The following NAA15 variants were observed in gnomAD, a reference collection of about 807,000 sequenced individuals.
NAA15 encodes N-alpha-acetyltransferase 15, NatA auxiliary subunit, also known as N-terminal acetyltransferase.
In NAA15, 34 loss-of-function variants were observed where a neutral mutation model predicts 114.0. That is an observed-to-expected ratio of 0.30 (90% CI 0.23 to 0.40). NAA15 has a LOEUF of 0.40. NAA15 is among the 10% of genes least tolerant of loss of function. The probability of loss-of-function intolerance (pLI) is 1.00; values close to 1 mark genes in which losing one functional copy is unlikely to be tolerated. For synonymous variants in NAA15, 340 were observed against 338.0 expected, an observed-to-expected ratio of 1.01 and a Z score of -0.06; for missense variants, 658 against 1,004.5, an observed-to-expected ratio of 0.66 and a Z score of 4.66.
chr4:139,353,919 G>A (rs988012050), intron 9 of NAA15, 107 bp from the exon 10 acceptor site: 2 of 789,178 alleles, frequency 2.5e-6, no homozygotes, highest in African/African-American at 1.7e-5. Context: ...GAGGGTGTGT[G>A]TGTTGGAGTG....
At chr4:139,315,074 A>AGGTCAGGTCAGGTCAGGTCAGGTCAG (rs1579085600) in intron 1 of NAA15, among the ~76,000 whole-genome samples, 1 of 136,128 alleles carries the variant, frequency 7.3e-6, no homozygotes, top group Non-Finnish European at 1.6e-5. Flanking sequence ...AGTTTAGTTT[A>AGGTCAGGTCAGGTCAGGTCAGGTCAG]GTTTTTGAGA....
At chr4:139,332,665 C>T (rs1384905261) in intron 1 of NAA15, among the ~76,000 whole-genome samples, 3 of 144,768 alleles carry the variant, frequency 2.1e-5, no homozygotes, top group East Asian at 2.1e-4. Context: ...TCACTGCAAC[C>T]TCTGCCTGCT....
intron 14 of NAA15, among the ~76,000 whole-genome samples, 195 bp downstream of exon 14, chr4:139,362,132 T>C (rs1013374353): frequency 3.3e-5 from 5 of 152,234 alleles, no homozygotes; most frequent in African/African-American, 1.2e-4. Flanking sequence ...TTTGCAGTTA[T>C]TCATTGGCAT....
intron 1 of NAA15, among the ~76,000 whole-genome samples, chr4:139,309,880 T>C (rs1362123585): frequency 6.6e-6 from 1 of 152,158 alleles, no homozygotes; most frequent in Non-Finnish European, 1.5e-5. Context: ...TTTTTAGATG[T>C]GTCAAAGTCT....
At chr4:139,320,858 C>T (rs577083050) in intron 1 of NAA15, among the ~76,000 whole-genome samples, 221 of 152,196 alleles carry the variant, frequency 1.5e-3, no homozygotes, top group African/African-American at 5.1e-3. Flanking sequence ...CATCATGTTG[C>T]CCAGGCTGAT....
intron 16 of NAA15, among the ~76,000 whole-genome samples, chr4:139,377,195 A>G (rs1478474310): frequency 6.7e-6 from 1 of 148,206 alleles, no homozygotes; most frequent in Non-Finnish European, 1.5e-5. Context: ...TATATCTACT[A>G]AAGGAAATTG....
chr4:139,345,412 C>T (rs1158973329), intron 6 of NAA15, among the ~76,000 whole-genome samples: 3 of 152,152 alleles, frequency 2.0e-5, no homozygotes, highest in Admixed American at 2.0e-4. Context: ...GCTTGGGCCT[C>T]AAGTTTCTTT....
Position 139,389,897 on chromosome 4 carries a change from T to A in NAA15, c.*1813T>A, listed in dbSNP as rs1749007703. The A allele has an allele frequency of 6.6e-6, 1 of 152,620 alleles. No homozygotes were observed. The highest frequency in any genetic ancestry group is 1.5e-5 in the Non-Finnish European group (1 of 68,028). 9.5% of individuals were successfully genotyped at this position (152,620 alleles called of 1,614,324 possible). On this transcript the variant is annotated 3_prime_UTR_variant, in exon 20 of 20. Transcript: ENST00000296543. ...GAAGTACAAACCGAACTCCAGTGCT[T>A]TGTTATGTTTTATTAACTGGCCCTG...
At chr4:139,360,927 A>G (rs1176773597) in intron 13 of NAA15, among the ~76,000 whole-genome samples, 1 of 152,100 alleles carries the variant, frequency 6.6e-6, no homozygotes, top group Non-Finnish European at 1.5e-5. Context: ...GTACATACAC[A>G]GCTGATTAAA....
At chr4:139,374,948 A>G (rs991836684) in intron 15 of NAA15, among the ~76,000 whole-genome samples, 1 of 152,170 alleles carries the variant, frequency 6.6e-6, no homozygotes, top group South Asian at 2.1e-4. Context: ...TACCTGCCCT[A>G]TAGTCCTTGT....
At chr4:139,309,734 C>T (rs766253649) in intron 1 of NAA15, among the ~76,000 whole-genome samples, 5 of 152,120 alleles carry the variant, frequency 3.3e-5, no homozygotes, top group South Asian at 2.1e-4. Context: ...AATTCTTTTG[C>T]GTCAATAGAG....
chr4:139,330,613 A>G (rs7682614), intron 1 of NAA15, among the ~76,000 whole-genome samples: 40,365 of 152,058 alleles, frequency 0.27, 5,678 homozygotes, highest in African/African-American at 0.35. Flanking sequence ...TGAGTTGAAG[A>G]GGGGGAATCA....
At chr4:139,304,952 G>C (rs1390985556) in intron 1 of NAA15, among the ~76,000 whole-genome samples, 1 of 152,150 alleles carries the variant, frequency 6.6e-6, no homozygotes. Flanking sequence ...CTGTTGCCCA[G>C]GCTGGAGTGT....
chr4:139,369,410 G>A (rs1213803298), intron 14 of NAA15, among the ~76,000 whole-genome samples: 6 of 152,134 alleles, frequency 3.9e-5, no homozygotes, highest in African/African-American at 1.4e-4. Context: ...TTTCTGAAGT[G>A]GTTCCGTTGT....
chr4:139,303,149 G>C (rs980964151), intron 1 of NAA15, among the ~76,000 whole-genome samples: 3 of 152,314 alleles, frequency 2.0e-5, no homozygotes, highest in Admixed American at 6.5e-5. Flanking sequence ...AAAAACATTA[G>C]AAAGTCACAT....
At chr4:139,326,460 T>A (rs1447825746) in intron 1 of NAA15, among the ~76,000 whole-genome samples, 1 of 152,234 alleles carries the variant, frequency 6.6e-6, no homozygotes, top group African/African-American at 2.4e-5. Context: ...CTTTTTCTCA[T>A]GATTGCTCTC....
intron 1 of NAA15, among the ~76,000 whole-genome samples, chr4:139,315,012 TTAGGTTAGG>T (rs1560952816): frequency 1.1e-4 from 12 of 106,160 alleles, no homozygotes; most frequent in African/African-American, 5.2e-4. Flanking sequence ...TTAGTTTAGG[TTAGGTTAGG>T]TTAGGTTAGG....
In NAA15 at chr4:139,341,059, AG is replaced by A; in HGVS notation, c.395del (p.Gly132ValfsTer30). On this transcript the variant is annotated frameshift_variant, in exon 4 of 20. Coordinates refer to ENST00000296543, the MANE Select transcript of NAA15 (RefSeq NM_057175.5). LOFTEE classifies it high-confidence loss of function. ...CTACAGATTCAAATGCGAGATCTTG[AG>A]GGTTACAGGGTAAGTAAAATAGAGA... ...SLLQIQMRDL[E>X]GYRETRYQLL... 1 of 1,553,412 alleles carries A rather than the reference AG, an allele frequency of 6.4e-7. No homozygotes were observed.
intron 1 of NAA15, among the ~76,000 whole-genome samples, chr4:139,315,481 G>C (rs2110849255): frequency 6.6e-6 from 1 of 151,914 alleles, no homozygotes; most frequent in African/African-American, 2.4e-5. Flanking sequence ...TCATGCCACT[G>C]CACTCCAGCC....
Sources: gnomAD v4.1 joint callset for allele counts (sites outside exome capture counted in the v4.1 genomes callset) on GRCh38, gnomAD v4.1.1 for gene constraint, MANE v1.5 for transcripts, NCBI Gene and HGNC (gene_info 2026-07-23, HGNC 2026-07-21) for gene names.